The following CFAP97 variants were observed in gnomAD, a reference collection of about 807,000 sequenced individuals.
The protein encoded by CFAP97 is cilia- and flagella-associated protein 97.
In CFAP97, 36 loss-of-function variants were observed where a neutral mutation model predicts 43.1. The observed-to-expected ratio is 0.84, with a 90% CI of 0.64 to 1.10. CFAP97 has a LOEUF of 1.10. Among genes scored for constraint, CFAP97 ranks in the 50% least tolerant of loss-of-function variants. The pLI is 0.00. For synonymous variants in CFAP97, 228 were observed against 225.7 expected, an observed-to-expected ratio of 1.01 and a Z score of -0.09; for missense variants, 657 against 620.3, an observed-to-expected ratio of 1.06 and a Z score of -0.63.
upstream of CFAP97, among the ~76,000 whole-genome samples, chr4:185,206,743 T>C (rs552438750): frequency 6.0e-5 from 9 of 150,222 alleles, no homozygotes; most frequent in South Asian, 1.9e-3. Flanking sequence ...TAGATAGATA[T>C]ATGAGCAGGA....
intron 3 of CFAP97, chr4:185,170,433 G>C (rs1410738195): frequency 2.5e-6 from 1 of 403,886 alleles, no homozygotes; most frequent in African/African-American, 2.1e-5. Context: ...TATTGAGACG[G>C]AGTTTTGCTC....
At chr4:185,170,981 C>A (rs1735277130) in intron 3 of CFAP97, among the ~76,000 whole-genome samples, 2 of 21,090 alleles carry the variant, frequency 9.5e-5, no homozygotes, top group Admixed American at 9.3e-4. Context: ...AAGACTTTGT[C>A]TCAAAAAAAA....
chr4:185,173,242 A>G (rs1735377873), intron 3 of CFAP97, among the ~76,000 whole-genome samples: 1 of 151,980 alleles, frequency 6.6e-6, no homozygotes, highest in Non-Finnish European at 1.5e-5. Context: ...AGGCGCCTGC[A>G]GTCCCAGCTA....
At chr4:185,183,968 G>A (rs1560865062) in intron 2 of CFAP97, among the ~76,000 whole-genome samples, 1 of 152,010 alleles carries the variant, frequency 6.6e-6, no homozygotes, top group Non-Finnish European at 1.5e-5. Flanking sequence ...AGGAGTTTGG[G>A]GTAGGATTAT....
At position 185,202,547 on chromosome 4, in the gene CFAP97, C is replaced by CAAAAAA. The variant is rs1392326315; in HGVS notation, c.-17+1345_-17+1350dup. ...TAGGCAACAGAGTGAGATCCTATCT[C>CAAAAAA]AAAAAACAAACAAACAAAAAAAATC... On this transcript the variant is annotated intron_variant, in intron 1 of 4. Coordinates refer to ENST00000458385, the MANE Select transcript of CFAP97 (RefSeq NM_020827.3). Among the ~76,000 whole-genome samples the CAAAAAA allele has an allele frequency of 1.8e-4, 26 of 145,986 alleles. 1 individual carries two copies. The highest frequency in any genetic ancestry group is 6.5e-4 in the South Asian group (3 of 4,628).
upstream of CFAP97, among the ~76,000 whole-genome samples, chr4:185,208,004 T>A (rs1443101229): frequency 6.6e-6 from 1 of 152,238 alleles, no homozygotes; most frequent in Non-Finnish European, 1.5e-5. Flanking sequence ...TTTATTTGAA[T>A]AATTTGGGTT....
At chr4:185,193,821 G>A (rs956098621) in intron 1 of CFAP97, among the ~76,000 whole-genome samples, 3 of 152,090 alleles carry the variant, frequency 2.0e-5, no homozygotes, top group African/African-American at 7.2e-5. Context: ...CCAGGAGACA[G>A]AGGCTGCAGT....
chr4:185,185,868 G>A (rs1174723648), intron 2 of CFAP97, among the ~76,000 whole-genome samples: 1 of 151,864 alleles, frequency 6.6e-6, no homozygotes, highest in African/African-American at 2.4e-5. Context: ...TCAAACTCCT[G>A]GGCTCAAGTG....
Position 185,160,734 on chromosome 4 carries a change from A to G in CFAP97, c.*2064T>C, listed in dbSNP as rs1030084301. Reference sequence around the variant, plus strand: ...AATCAAAGTACAGTTGTTATTTATAAAACTATTGTGTTGTATCCTGACATG... The same window carrying G: ...AATCAAAGTACAGTTGTTATTTATAGAACTATTGTGTTGTATCCTGACATG... On this transcript the variant is annotated 3_prime_UTR_variant, in exon 5 of 5. Coordinates refer to ENST00000458385, the MANE Select transcript of CFAP97 (RefSeq NM_020827.3). The G allele has an allele frequency of 2.2e-4, 33 of 151,604 alleles. No homozygotes were observed. The highest frequency in any genetic ancestry group is 4.0e-4 in the Non-Finnish European group (27 of 67,860). 9.4% of individuals were successfully genotyped at this position (151,604 alleles called of 1,614,324 possible).
At chr4:185,196,023 A>AT (rs1199579105) in intron 1 of CFAP97, among the ~76,000 whole-genome samples, 1 of 152,212 alleles carries the variant, frequency 6.6e-6, no homozygotes, top group African/African-American at 2.4e-5. Context: ...GCAATTAAAA[A>AT]TTTTAAATTG....
chr4:185,162,505 T>C lies in CFAP97; in HGVS notation c.*293A>G, dbSNP rs1402958789. 2.9e-6 allele frequency: 1 copy of C among 342,042 alleles called. No individual in the cohort carries two copies. The allele number at this position is 342,042 out of a possible 1,614,324, so 21.2% of individuals were successfully genotyped here. Reference sequence around the variant, plus strand: ...TTGGGTACGACATGCAATGATACTATCACTACTATTTTGACAGCATGACAA... The same window carrying C: ...TTGGGTACGACATGCAATGATACTACCACTACTATTTTGACAGCATGACAA... On this transcript the variant is annotated 3_prime_UTR_variant, in exon 5 of 5. Transcript: ENST00000458385.
chr4:185,199,327 G>A (rs998156864), intron 1 of CFAP97, among the ~76,000 whole-genome samples: 7 of 150,306 alleles, frequency 4.7e-5, no homozygotes, highest in African/African-American at 1.5e-4. Context: ...GCCGCGATCC[G>A]GCCACTGCAC....
At chr4:185,194,709 A>G (rs573808994) in intron 1 of CFAP97, among the ~76,000 whole-genome samples, 24 of 152,288 alleles carry the variant, frequency 1.6e-4, no homozygotes, top group South Asian at 8.3e-4. Flanking sequence ...CCCTTGATTT[A>G]GATGATGTAT....
chr4:185,162,657 A>G lies in CFAP97; in HGVS notation c.*141T>C, dbSNP rs1261285251. 1.1e-6 allele frequency: 1 copy of G among 889,188 alleles called. No homozygotes were observed. The highest frequency in any genetic ancestry group is 1.7e-6 in the Non-Finnish European group (1 of 592,310). The allele number at this position is 889,188 out of a possible 1,614,324, so 55.1% of individuals were successfully genotyped here. On this transcript the variant is annotated 3_prime_UTR_variant, in exon 5 of 5. Transcript: ENST00000458385. ...GTTTTTTGACAATAATTTTGCACTG[A>G]ATAACAATACATTACAACTCACTGT...
chr4:185,206,693 T>C (rs116636934), upstream of CFAP97, among the ~76,000 whole-genome samples: 4,043 of 139,128 alleles, frequency 0.029, 79 homozygotes, highest in Middle Eastern at 0.077. Flanking sequence ...GAATGGAAGA[T>C]GTACTAATCT....
chr4:185,185,326 T>C (rs913605547), intron 2 of CFAP97, among the ~76,000 whole-genome samples: 4 of 152,132 alleles, frequency 2.6e-5, no homozygotes, highest in Admixed American at 2.0e-4. Context: ...TATCAAGATA[T>C]ATGTTATTAC....
intron 3 of CFAP97, among the ~76,000 whole-genome samples, chr4:185,168,354 C>A (rs1735151535): frequency 6.6e-6 from 1 of 151,772 alleles, no homozygotes; most frequent in South Asian, 2.1e-4. Flanking sequence ...CACCTGCGAT[C>A]CCAGCACTTC....
At chr4:185,173,102 G>T (rs75965940) in intron 3 of CFAP97, among the ~76,000 whole-genome samples, 6,557 of 151,938 alleles carry the variant, frequency 0.043, 261 homozygotes, top group South Asian at 0.12. Flanking sequence ...AGTGGCTCAC[G>T]CCTGTAATCC....
intron 3 of CFAP97, among the ~76,000 whole-genome samples, chr4:185,168,467 C>T (rs1342700954): frequency 6.6e-6 from 1 of 151,792 alleles, no homozygotes; most frequent in East Asian, 1.9e-4. Flanking sequence ...ATTAGCTAGG[C>T]ATGGTGACAC....
Sources: allele counts gnomAD v4.1 joint callset (sites outside exome capture counted in the v4.1 genomes callset), GRCh38; gene constraint gnomAD v4.1.1; transcripts MANE v1.5; gene names NCBI Gene and HGNC (gene_info 2026-07-23, HGNC 2026-07-21).